The following CREB5 variants were observed in gnomAD, a reference collection of about 807,000 sequenced individuals.
CREB5 encodes cyclic AMP-responsive element-binding protein 5.
A neutral mutation model predicts 57.1 loss-of-function variants in CREB5; 19 were observed. The ratio of observed to expected loss-of-function variants is 0.33; its 90% CI spans 0.23 to 0.49. The LOEUF (loss-of-function observed/expected upper bound fraction) is 0.49. Ranked by LOEUF, CREB5 falls within the 20% of genes least tolerant of loss-of-function variation. The pLI is 0.99. For missense variants in CREB5, 579 were observed against 671.6 expected, an observed-to-expected ratio of 0.86 and a Z score of 1.52; for synonymous variants, 238 against 238.3, an observed-to-expected ratio of 1.00 and a Z score of 0.01.
At chr7:28,390,104 G>C (rs1160696357) in intron 1 of CREB5, among the ~76,000 whole-genome samples, 1 of 151,552 alleles carries the variant, frequency 6.6e-6, no homozygotes, top group Non-Finnish European at 1.5e-5. Context: ...AGGGCAAAGA[G>C]GATCTTCTTA....
intron 7 of CREB5, among the ~76,000 whole-genome samples, chr7:28,803,043 ACTAT>A (rs1460601957): frequency 2.0e-5 from 3 of 152,224 alleles, no homozygotes; most frequent in East Asian, 1.9e-4. Context: ...GAAAATACTG[ACTAT>A]CTGACTCTTT....
chr7:28,384,825 A>G (rs939811527), intron 1 of CREB5, among the ~76,000 whole-genome samples: 5 of 152,218 alleles, frequency 3.3e-5, no homozygotes, highest in African/African-American at 1.2e-4. Context: ...AGTTCCTGTG[A>G]AACTCTTGCC....
chr7:28,316,331 A>T (rs1785379594), intron 1 of CREB5, among the ~76,000 whole-genome samples: 1 of 152,132 alleles, frequency 6.6e-6, no homozygotes. Context: ...GAGCCAGGGA[A>T]ATGCCTGACA....
chr7:28,560,881 T>TGCGCGTGTGC (rs1388491335), intron 4 of CREB5, among the ~76,000 whole-genome samples: 1 of 46,206 alleles, frequency 2.2e-5, no homozygotes, highest in African/African-American at 1.1e-4. Flanking sequence ...TGCGCGTGCG[T>TGCGCGTGTGC]GCGTGCGTGT....
At position 28,588,776 on chromosome 7, in the gene CREB5, C is replaced by T. The variant is rs534492534; in HGVS notation, c.464+18239C>T. On this transcript the variant is annotated intron_variant, in intron 5 of 10. Coordinates refer to ENST00000357727, the MANE Select transcript of CREB5 (RefSeq NM_182898.4). ...TTGAAATCTGGCATCTTCTCCTTGC[C>T]CCTGCTGTATTTTCTTACCTATTTT... is the stretch of plus-strand genomic sequence containing the variant. Among the ~76,000 whole-genome samples, 3 of 152,182 alleles carry T rather than the reference C, an allele frequency of 2.0e-5. No homozygotes were observed. In the South Asian group the frequency reaches 6.2e-4, roughly 32 times the overall value.
At chr7:28,692,571 C>G (rs1801332026) in intron 5 of CREB5, among the ~76,000 whole-genome samples, 1 of 152,204 alleles carries the variant, frequency 6.6e-6, no homozygotes, top group African/African-American at 2.4e-5. Context: ...CACTTCACCT[C>G]TCTGTGCCAC....
intron 3 of CREB5, among the ~76,000 whole-genome samples, chr7:28,502,759 G>A (rs562034394): frequency 1.1e-4 from 17 of 152,138 alleles, no homozygotes; most frequent in Non-Finnish European, 1.9e-4. Flanking sequence ...TTTTGCTTAG[G>A]AAGTTAATAT....
intron 1 of CREB5, among the ~76,000 whole-genome samples, chr7:28,465,874 G>C (rs1293919630): frequency 6.6e-6 from 1 of 152,138 alleles, no homozygotes; most frequent in Non-Finnish European, 1.5e-5. Context: ...TGGCTTTGAA[G>C]TGTAGAAGGT....
intron 1 of CREB5, among the ~76,000 whole-genome samples, chr7:28,348,585 G>A (rs1786123044): frequency 6.6e-6 from 1 of 152,140 alleles, no homozygotes; most frequent in African/African-American, 2.4e-5. Context: ...GAGTCTTTCT[G>A]TATAATCGAA....
rs1226544610 is a variant in CREB5 at position 28,560,866 on chromosome 7, CTGCG to C, written c.292-9494_292-9491del. 8.0e-4 allele frequency among the ~76,000 whole-genome samples: 40 copies of C among 50,294 alleles called. 12 individuals carry two copies. Among genetic ancestry groups the C allele is most frequent in the Non-Finnish European group, 1.6e-3 (36 of 23,158 alleles). 33.0% of individuals were successfully genotyped at this position (50,294 alleles called of 152,430 possible). Reference sequence around the variant, plus strand: ...TGTGCGCGTGTGTGTGTGCGTGTGCCTGCGTGCGCGTGCGTGCGTGCGTGTGTGT... The same window carrying C: ...TGTGCGCGTGTGTGTGTGCGTGTGCCTGCGCGTGCGTGCGTGCGTGTGTGT... On this transcript the variant is annotated intron_variant, in intron 4 of 10. Coordinates refer to ENST00000357727, the MANE Select transcript of CREB5 (RefSeq NM_182898.4).
At position 28,540,032 on chromosome 7, in the gene CREB5, G is replaced by C. The variant is rs1794144193; in HGVS notation, c.292-30333G>C. On this transcript the variant is annotated intron_variant, in intron 4 of 10. Transcript: ENST00000357727. Reference sequence around the variant, plus strand: ...TCAGGGAAATTTGACATCAAGCCTAGAGTCTTGAGAGACTAGTTTATATTT... The same window carrying C: ...TCAGGGAAATTTGACATCAAGCCTACAGTCTTGAGAGACTAGTTTATATTT... Among the ~76,000 whole-genome samples, 2 of 152,204 alleles carry C rather than the reference G, an allele frequency of 1.3e-5. 1 individual carries two copies.
At chr7:28,648,341 G>A (rs73302862) in intron 5 of CREB5, among the ~76,000 whole-genome samples, 4,509 of 152,244 alleles carry the variant, frequency 0.03, 235 homozygotes, top group African/African-American at 0.1. Flanking sequence ...TAAAAAAAGA[G>A]TATCCAACTC....
chr7:28,470,108 A>G (rs980710119), intron 1 of CREB5, among the ~76,000 whole-genome samples: 14 of 152,192 alleles, frequency 9.2e-5, no homozygotes, highest in African/African-American at 3.1e-4. Flanking sequence ...AAAATGTACA[A>G]TTAAGTTATT....
intron 7 of CREB5, among the ~76,000 whole-genome samples, chr7:28,736,310 C>G (rs1394810363): frequency 6.6e-6 from 1 of 152,084 alleles, no homozygotes; most frequent in Non-Finnish European, 1.5e-5. Context: ...GCTGGGATTA[C>G]AGGCATGCAC....
chr7:28,608,904 G>A (rs1242724173), intron 5 of CREB5, among the ~76,000 whole-genome samples: 1 of 152,180 alleles, frequency 6.6e-6, no homozygotes, highest in Non-Finnish European at 1.5e-5. Context: ...TAATTTAACA[G>A]GGAGATTTTG....
At chr7:28,501,174 T>C (rs1792259335) in intron 3 of CREB5, among the ~76,000 whole-genome samples, 2 of 152,232 alleles carry the variant, frequency 1.3e-5, no homozygotes, top group Non-Finnish European at 2.9e-5. Context: ...GAGCTGTACA[T>C]ACTAAGAACA....
At chr7:28,454,375 G>A (rs1789995840) in intron 1 of CREB5, among the ~76,000 whole-genome samples, 1 of 152,138 alleles carries the variant, frequency 6.6e-6, no homozygotes, top group Non-Finnish European at 1.5e-5. Flanking sequence ...TTCTTCCTGG[G>A]GCACCAGATT....
At chr7:28,533,918 C>G (rs1157004055) in intron 4 of CREB5, among the ~76,000 whole-genome samples, 4 of 152,138 alleles carry the variant, frequency 2.6e-5, no homozygotes, top group African/African-American at 9.7e-5. Flanking sequence ...AAACATGAGT[C>G]AGAATGACAG....
intron 4 of CREB5, among the ~76,000 whole-genome samples, chr7:28,545,385 A>C (rs554942935): frequency 1.3e-5 from 2 of 152,286 alleles, no homozygotes; most frequent in South Asian, 4.1e-4. Flanking sequence ...TTGATTGCCT[A>C]CTTATTGTGC....
Sources: gnomAD v4.1 joint callset for allele counts (sites outside exome capture counted in the v4.1 genomes callset) on GRCh38, gnomAD v4.1.1 for gene constraint, MANE v1.5 for transcripts, NCBI Gene and HGNC (gene_info 2026-07-23, HGNC 2026-07-21) for gene names.